Variants in HYCC2 observed in about 807,000 individuals in gnomAD.
HYCC2 encodes the protein hyccin 2.
the HYCC2 span, among the ~76,000 whole-genome samples, chr2:201,049,550 T>TGGC: frequency 6.6e-6 from 1 of 151,660 alleles, no homozygotes. Context: ...AGACGGGGTT[T>TGGC]CACCACGTTG....
chr2:201,031,759 T>C, the HYCC2 span, among the ~76,000 whole-genome samples: 1 of 152,248 alleles, frequency 6.6e-6, no homozygotes, highest in African/African-American at 2.4e-5. Flanking sequence ...GAGGTTATTT[T>C]AGAATATGAT....
At chr2:201,022,229 T>C in the HYCC2 span, 6 of 500,358 alleles carry the variant, frequency 1.2e-5, no homozygotes, top group Non-Finnish European at 2.1e-5. Context: ...GGAAAGATAA[T>C]GTGTGTATTT....
the HYCC2 span, among the ~76,000 whole-genome samples, chr2:200,985,081 A>T: frequency 1.3e-5 from 2 of 152,144 alleles, no homozygotes; most frequent in African/African-American, 4.8e-5. Flanking sequence ...ACTACACTCC[A>T]GCCTGGGCAA....
chr2:201,045,513 T>C, the HYCC2 span: 1 of 398,272 alleles, frequency 2.5e-6, no homozygotes. Context: ...AAGATCAGTT[T>C]TCTAAAGGAG....
the HYCC2 span, among the ~76,000 whole-genome samples, chr2:201,053,090 T>C: frequency 6.6e-6 from 1 of 152,110 alleles, no homozygotes; most frequent in African/African-American, 2.4e-5. Context: ...ACCCCTACAG[T>C]GAACACAGAT....
chr2:201,052,824 G>A, the HYCC2 span, among the ~76,000 whole-genome samples: 1 of 152,164 alleles, frequency 6.6e-6, no homozygotes. Context: ...AGAGGACAGC[G>A]TAATGTGGAG....
the HYCC2 span, among the ~76,000 whole-genome samples, chr2:201,001,084 G>A: frequency 1.3e-5 from 2 of 150,094 alleles, no homozygotes; most frequent in Non-Finnish European, 2.9e-5. Flanking sequence ...GGTGCAGTGA[G>A]CCAAGATCGT....
At chr2:201,036,285 T>C in the HYCC2 span, among the ~76,000 whole-genome samples, 9 of 152,158 alleles carry the variant, frequency 5.9e-5, no homozygotes, top group East Asian at 1.7e-3. Context: ...CAGGACTAAA[T>C]GGATTCACAG....
At chr2:201,013,049 T>C in the HYCC2 span, among the ~76,000 whole-genome samples, 5 of 152,216 alleles carry the variant, frequency 3.3e-5, no homozygotes, top group Non-Finnish European at 5.9e-5. Context: ...CTGTCTTATT[T>C]TTGTCTATTT....
the HYCC2 span, among the ~76,000 whole-genome samples, chr2:201,033,203 G>A: frequency 1.7e-4 from 25 of 149,518 alleles, no homozygotes; most frequent in Admixed American, 6.7e-5. Context: ...GTGTGAGAGA[G>A]AGAGAGAGAG....
chr2:201,008,749 T>A, the HYCC2 span, among the ~76,000 whole-genome samples: 1 of 151,600 alleles, frequency 6.6e-6, no homozygotes, highest in African/African-American at 2.4e-5. Flanking sequence ...AAAAAAAAAA[T>A]TGGCCAGGCA....
the HYCC2 span, among the ~76,000 whole-genome samples, chr2:201,045,944 T>C: frequency 6.6e-6 from 1 of 152,120 alleles, no homozygotes; most frequent in Non-Finnish European, 1.5e-5. Flanking sequence ...CATGTTACAG[T>C]GATTTTTCTT....
the HYCC2 span, among the ~76,000 whole-genome samples, chr2:201,027,462 T>C: frequency 6.6e-6 from 1 of 152,180 alleles, no homozygotes; most frequent in Non-Finnish European, 1.5e-5. Context: ...TAACTCATTT[T>C]ATGAGGCCAG....
the HYCC2 span, among the ~76,000 whole-genome samples, chr2:201,022,292 G>A: frequency 6.6e-6 from 1 of 152,100 alleles, no homozygotes; most frequent in Non-Finnish European, 1.5e-5. Context: ...TCTATCACAA[G>A]GCTAAATAAT....
the HYCC2 span, chr2:201,021,920 T>C: frequency 2.4e-6 from 1 of 413,490 alleles, no homozygotes; most frequent in Admixed American, 3.1e-5. Context: ...CTGCTACAAA[T>C]AGCAACAGAT....
chr2:201,037,122 CA>C, the HYCC2 span, among the ~76,000 whole-genome samples: 10 of 152,206 alleles, frequency 6.6e-5, no homozygotes, highest in Non-Finnish European at 8.8e-5. Flanking sequence ...AGAGCCAAAT[CA>C]TGAGTGAACT....
chr2:201,019,274 C>T, the HYCC2 span, among the ~76,000 whole-genome samples: 1 of 152,120 alleles, frequency 6.6e-6, no homozygotes, highest in South Asian at 2.1e-4. Context: ...TCTATGAAGA[C>T]CTTAAACTCC....
the HYCC2 span, among the ~76,000 whole-genome samples, chr2:201,039,631 A>G: frequency 1.3e-5 from 2 of 152,322 alleles, no homozygotes; most frequent in South Asian, 4.1e-4. Flanking sequence ...TGTATCATAC[A>G]GTGATATACA....
chr2:201,026,381 C>T, the HYCC2 span, among the ~76,000 whole-genome samples: 3 of 152,162 alleles, frequency 2.0e-5, no homozygotes, highest in Admixed American at 6.5e-5. Context: ...TTTAATACCC[C>T]ACTGTCAATA....
Sources: gnomAD v4.1 joint callset for allele counts (sites outside exome capture counted in the v4.1 genomes callset) on GRCh38, gnomAD v4.1.1 for gene constraint, MANE v1.5 for transcripts, NCBI Gene and HGNC (gene_info 2026-07-23, HGNC 2026-07-21) for gene names.